ANK2: variants seen among roughly 807,000 people sequenced by gnomAD.
The protein encoded by ANK2 is ankyrin-2.
ANK2 carries 83 observed loss-of-function variants against 360.5 expected under a neutral mutation model. The ratio of observed to expected loss-of-function variants is 0.23; its 90% CI spans 0.19 to 0.28. The LOEUF is 0.28. ANK2 is among the 10% of genes least tolerant of loss of function. The pLI, the probability that ANK2 is intolerant of heterozygous loss-of-function variation, is 1.00. For synonymous variants in ANK2, 1,740 were observed against 1,759.5 expected, an observed-to-expected ratio of 0.99 and a Z score of 0.28; for missense variants, 4,201 against 4,795.7, an observed-to-expected ratio of 0.88 and a Z score of 3.66.
chr4:113,212,345 G>T (rs995052196), intron 4 of ANK2, among the ~76,000 whole-genome samples: 2 of 151,936 alleles, frequency 1.3e-5, no homozygotes, highest in African/African-American at 4.8e-5. Flanking sequence ...CCCAGTAATT[G>T]ACTAAACATG....
chr4:112,917,182 A>G (rs1405233519), intron 2 of ANK2, among the ~76,000 whole-genome samples: 4 of 152,218 alleles, frequency 2.6e-5, no homozygotes, highest in Non-Finnish European at 5.9e-5. Flanking sequence ...ACTTTATGCT[A>G]CCAACTTTCT....
At chr4:113,149,383 A>G (rs988381922) in intron 1 of ANK2, among the ~76,000 whole-genome samples, 2 of 152,150 alleles carry the variant, frequency 1.3e-5, no homozygotes, top group Non-Finnish European at 2.9e-5. Context: ...TTGAACTCTA[A>G]AAGAATATAA....
At chr4:113,166,646 A>G (rs1456241421) in intron 1 of ANK2, among the ~76,000 whole-genome samples, 1 of 151,658 alleles carries the variant, frequency 6.6e-6, no homozygotes, top group African/African-American at 2.4e-5. Context: ...TCACTGGAGG[A>G]TAGCATCACA....
the ANK2 span, among the ~76,000 whole-genome samples, chr4:112,780,629 T>C: frequency 1.1e-4 from 16 of 152,182 alleles, no homozygotes; most frequent in African/African-American, 3.9e-4. Context: ...ACTGGGTAAT[T>C]TATAAAGGAA....
At chr4:113,300,563 C>T (rs970614022) in intron 22 of ANK2, among the ~76,000 whole-genome samples, 2 of 152,132 alleles carry the variant, frequency 1.3e-5, no homozygotes, top group Non-Finnish European at 2.9e-5. Flanking sequence ...ACAGCACACA[C>T]GATGCTCTAG....
At chr4:113,134,627 A>G (rs1427790463) in intron 1 of ANK2, among the ~76,000 whole-genome samples, 1 of 152,142 alleles carries the variant, frequency 6.6e-6, no homozygotes, top group African/African-American at 2.4e-5. Context: ...GTCAGCTAAA[A>G]TCAAATGTTA....
intron 1 of ANK2, among the ~76,000 whole-genome samples, chr4:113,137,043 A>G (rs964644615): frequency 1.3e-5 from 2 of 151,994 alleles, no homozygotes; most frequent in Non-Finnish European, 2.9e-5. Flanking sequence ...CAGGCTGGCC[A>G]GGCTGGTCTC....
At chr4:112,958,041 G>A (rs919397670) in intron 2 of ANK2, among the ~76,000 whole-genome samples, 1 of 151,996 alleles carries the variant, frequency 6.6e-6, no homozygotes, top group East Asian at 2.0e-4. Context: ...TGGGTTGGTG[G>A]CCGGGAAGAG....
chr4:113,229,328 G>A (rs756225584), intron 4 of ANK2, among the ~76,000 whole-genome samples: 12 of 151,996 alleles, frequency 7.9e-5, no homozygotes, highest in Middle Eastern at 3.2e-3. Flanking sequence ...CTTGGATCAC[G>A]GCCCCGTTCT....
At chr4:112,781,777 TA>T in the ANK2 span, among the ~76,000 whole-genome samples, 1 of 151,988 alleles carries the variant, frequency 6.6e-6, no homozygotes, top group Non-Finnish European at 1.5e-5. Context: ...TAACAGTGAC[TA>T]TTTTTGATAA....
intron 2 of ANK2, among the ~76,000 whole-genome samples, chr4:113,029,572 G>A (rs1426242750): frequency 3.9e-5 from 6 of 151,948 alleles, no homozygotes; most frequent in South Asian, 2.1e-4. Flanking sequence ...GAACGTGGCC[G>A]GAGTTCTTCT....
At chr4:113,332,112 A>T in intron 28 of ANK2, 42 bp downstream of exon 28, 1 of 1,485,804 alleles carries the variant, frequency 6.7e-7, no homozygotes, top group Non-Finnish European at 9.4e-7. Context: ...CTGGCCCCCC[A>T]TTCTTCTCCT....
rs29434 is a variant in ANK2 at position 113,255,104 on chromosome 4, A to G, written c.991-631A>G. Among the ~76,000 whole-genome samples, 693 of 152,332 alleles carry G rather than the reference A, an allele frequency of 4.5e-3. 6 individuals are homozygous for G. Among genetic ancestry groups the G allele is most frequent in the African/African-American group, 0.016 (650 of 41,550 alleles). On this transcript the variant is annotated intron_variant, in intron 10 of 45. Transcript: ENST00000357077. The stretch of plus-strand genomic sequence containing the variant: ...TTTTGGTCCATATTAATGAAGACAA[A>G]TTTAGATTATCCTCAACTGTAAAAG...
intron 1 of ANK2, among the ~76,000 whole-genome samples, chr4:113,152,036 A>T (rs1321129781): frequency 6.9e-6 from 1 of 144,752 alleles, no homozygotes; most frequent in East Asian, 2.0e-4. Context: ...ACTGCACTCC[A>T]GCCTGGGTGA....
the ANK2 span, among the ~76,000 whole-genome samples, chr4:112,795,459 T>C: frequency 6.6e-6 from 1 of 152,114 alleles, no homozygotes; most frequent in Non-Finnish European, 1.5e-5. Context: ...TAAAGTTAGA[T>C]AAATGTCAAG....
intron 34 of ANK2, among the ~76,000 whole-genome samples, chr4:113,343,515 G>C (rs1170768894): frequency 2.0e-5 from 3 of 152,162 alleles, no homozygotes; most frequent in African/African-American, 7.2e-5. Flanking sequence ...AGAGTTCTAA[G>C]TGGCAACTTT....
intron 1 of ANK2, among the ~76,000 whole-genome samples, chr4:112,843,925 G>A (rs1158863476): frequency 3.3e-5 from 5 of 152,002 alleles, no homozygotes; most frequent in Non-Finnish European, 7.4e-5. Context: ...TAAAGCAATT[G>A]ACTCTCAAAA....
the ANK2 span, among the ~76,000 whole-genome samples, chr4:112,787,662 G>A: frequency 6.6e-6 from 1 of 152,184 alleles, no homozygotes; most frequent in African/African-American, 2.4e-5. Flanking sequence ...CTTGGGTCAG[G>A]CCCACTCTGT....
the ANK2 span, among the ~76,000 whole-genome samples, chr4:112,757,689 AATC>A: frequency 1.3e-5 from 2 of 152,186 alleles, no homozygotes; most frequent in Non-Finnish European, 2.9e-5. Context: ...TGTAAATTGA[AATC>A]ATGAAGCTTT....
Sources: allele counts gnomAD v4.1 joint callset (sites outside exome capture counted in the v4.1 genomes callset), GRCh38; gene constraint gnomAD v4.1.1; transcripts MANE v1.5; gene names NCBI Gene and HGNC (gene_info 2026-07-23, HGNC 2026-07-21).